The following CAPRIN2 variants were observed in gnomAD, a reference collection of about 807,000 sequenced individuals.
CAPRIN2 encodes the protein caprin-2.
A neutral mutation model predicts 130.4 loss-of-function variants in CAPRIN2; 66 were observed. The ratio of observed to expected loss-of-function variants is 0.51; its 90% CI spans 0.42 to 0.62. The LOEUF (loss-of-function observed/expected upper bound fraction) is 0.62, where lower values mean the gene tolerates loss of function less well. CAPRIN2 is among the 20% of genes least tolerant of loss of function. The probability of loss-of-function intolerance (pLI) is 0.00; values close to 1 mark genes in which losing one functional copy is unlikely to be tolerated. For missense variants in CAPRIN2, 1,185 were observed against 1,246.6 expected (o/e 0.95, Z 0.74); for synonymous variants, 471 against 444.1 (o/e 1.06, Z -0.76).
At chr12:30,731,955 C>G (rs1242488805) in intron 5 of CAPRIN2, among the ~76,000 whole-genome samples, 3 of 151,920 alleles carry the variant, frequency 2.0e-5, no homozygotes, top group African/African-American at 7.2e-5. Flanking sequence ...TCTACCTTCC[C>G]CAAGTAATTA....
At chr12:30,728,828 A>G in exon 8 of CAPRIN2, 1 of 1,614,090 alleles carries the variant, frequency 6.2e-7, no homozygotes. Context: ...CCTGTTCTTC[A>G]CACATGGGAG....
chr12:30,716,445 C>T, intron 13 of CAPRIN2, 63 bp downstream of exon 15: 1 of 1,447,868 alleles, frequency 6.9e-7, no homozygotes, highest in Non-Finnish European at 9.7e-7. Context: ...ACTTCCTAGA[C>T]TTGCTGTCCA....
intron 14 of CAPRIN2, 151 bp downstream of exon 16, chr12:30,714,808 G>A (rs1360706025): frequency 3.6e-6 from 2 of 548,856 alleles, no homozygotes; most frequent in African/African-American, 1.9e-5. Flanking sequence ...TGGAGAATAG[G>A]TATATTAAAA....
rs184670054 is a variant in CAPRIN2, at chr12:30,745,896, C to G, written c.484-4790G>C. ...TAAAATTTTATTAAAAACTACTTGG[C>G]CCTAATCTATGCAAATAAATTTTAA... On this transcript the variant is annotated intron_variant, in intron 2 of 16. Transcript: ENST00000298892. Among the ~76,000 whole-genome samples the G allele has an allele frequency of 3.9e-5, 6 of 152,122 alleles. No individual in the cohort carries two copies. In the East Asian group the frequency reaches 9.6e-4, roughly 24 times the overall value.
At chr12:30,716,539 A>G (rs2057627970) in exon 13 of CAPRIN2, 2 of 1,613,834 alleles carry the variant, frequency 1.2e-6, no homozygotes, top group South Asian at 1.1e-5. Flanking sequence ...TTTGTTCTAC[A>G]TGTATAGATG....
At position 30,713,970 on chromosome 12, in the gene CAPRIN2, T is replaced by C. The variant is rs16906727; in HGVS notation, c.2501-85A>G. ...GTCTAATTCTATATTGCTTTAAAAG[T>C]TAAATTGATTATATAATGCCATCAT... On this transcript the variant is annotated intron_variant, in intron 14 of 16. Transcript: ENST00000298892. The C allele has an allele frequency of 9.3e-3, 6,527 of 703,458 alleles. 278 individuals carry two copies. In the African/African-American group the frequency reaches 0.096, roughly 10 times the overall value. The allele number at this position is 703,458 out of a possible 1,614,324, so 43.6% of individuals were successfully genotyped here. A position where few individuals can be genotyped will look rare whatever the true frequency, so the allele number is the denominator to read the frequency against.
chr12:30,721,790 TATG>T (rs769957099), intron 11 of CAPRIN2, among the ~76,000 whole-genome samples: 1 of 152,346 alleles, frequency 6.6e-6, no homozygotes, highest in Middle Eastern at 3.4e-3. Context: ...AAGGAGGCAT[TATG>T]ATATGTTGCT....
chr12:30,746,686 C>T (rs1242772075), intron 2 of CAPRIN2, among the ~76,000 whole-genome samples: 1 of 152,052 alleles, frequency 6.6e-6, no homozygotes, highest in Non-Finnish European at 1.5e-5. Flanking sequence ...AGAACAAGAC[C>T]CTAACTCTCT....
At chr12:30,717,440 T>C (rs983583088) in intron 12 of CAPRIN2, among the ~76,000 whole-genome samples, 2 of 152,158 alleles carry the variant, frequency 1.3e-5, no homozygotes, top group African/African-American at 4.8e-5. Context: ...AACAGGAAGT[T>C]ATTGTTTAAT....
chr12:30,751,002 C>T, intron 2 of CAPRIN2, 69 bp downstream of exon 3: 1 of 1,150,190 alleles, frequency 8.7e-7, no homozygotes, highest in Non-Finnish European at 1.3e-6. Context: ...ACTGATCGCA[C>T]TAAATCCATG....
intron 12 of CAPRIN2, among the ~76,000 whole-genome samples, chr12:30,717,084 G>C (rs1005230423): frequency 6.6e-6 from 1 of 152,034 alleles, no homozygotes; most frequent in South Asian, 2.1e-4. Flanking sequence ...TCCATTTCTA[G>C]GTATATACCC....
chr12:30,712,844 C>G (rs918610582), intron 15 of CAPRIN2, among the ~76,000 whole-genome samples: 1 of 146,990 alleles, frequency 6.8e-6, no homozygotes, highest in Non-Finnish European at 1.5e-5. Flanking sequence ...CAGGTTCAAG[C>G]GATTCTCCTG....
chr12:30,753,695 C>T, exon 1 of CAPRIN2: 1 of 1,614,068 alleles, frequency 6.2e-7, no homozygotes, highest in Non-Finnish European at 8.5e-7. Flanking sequence ...GTCTAGACCA[C>T]TCCCTTAAAC....
chr12:30,723,186 T>C, intron 11 of CAPRIN2, 73 bp downstream of exon 12: 1 of 1,009,840 alleles, frequency 9.9e-7, no homozygotes, highest in Non-Finnish European at 1.6e-6. Context: ...AATCAGTAAG[T>C]CTGATTATTC....
At position 30,710,079 on chromosome 12, in the gene CAPRIN2, C is replaced by A; in HGVS notation, c.3057G>T (p.Glu1019Asp). Residue 1019 changes from glutamate to aspartate, a missense_variant, in exon 17 of 17, where the codon GAG becomes GAT. Glu to Asp is a conservative substitution (Grantham distance 45). Transcript: ENST00000298892. The surrounding 1 kb of genome is among the most constrained non-coding windows in gnomAD (Gnocchi z 4.8). ...CATTGGCATAGGCTGATACCAAGAC[C>A]TCTTCATTCTTCATGAGGTTGACAT... The A allele has an allele frequency of 6.2e-7, 1 of 1,614,106 alleles. No individual in the cohort carries two copies. Among genetic ancestry groups the A allele is most frequent in the Non-Finnish European group, 8.5e-7 (1 of 1,180,024 alleles).
At position 30,753,332 on chromosome 12, in the gene CAPRIN2, A is replaced by G. The variant is rs778838712; in HGVS notation, c.420+12T>C. On this transcript the variant is annotated intron_variant, in intron 1 of 16. Transcript: ENST00000298892. ...GATCATGCATCTACAGGACTGGAAG[A>G]AAAAAAGTTACCTTCTTTTTCTCGA... The G allele has an allele frequency of 5.0e-6, 8 of 1,596,112 alleles. No individual in the cohort carries two copies. Among genetic ancestry groups the G allele is most frequent in the African/African-American group, 2.7e-5 (2 of 74,154 alleles).
rs1236366543 is a variant in CAPRIN2, at chr12:30,710,565, C to A, written c.2666-95G>T. ...TCGGCTACTGAAACAGACAAAGATA[C>A]ATTTTATAGTAAATTCCAAAACAAA... On this transcript the variant is annotated intron_variant, in intron 16 of 16. Coordinates refer to ENST00000298892, the Ensembl canonical transcript of CAPRIN2. This position sits in a 1 kb window ranked among gnomAD's most constrained non-coding sequence, Gnocchi z 4.8. 18 of 1,551,556 alleles carry A rather than the reference C, an allele frequency of 1.2e-5. No homozygotes were observed. The East Asian group carries it at 4.1e-4, about 35-fold the overall frequency.
chr12:30,729,145 G>A (rs1338004640), exon 8 of CAPRIN2: 1 of 1,613,948 alleles, frequency 6.2e-7, no homozygotes, highest in Admixed American at 1.7e-5. Flanking sequence ...ACCTCCTGGT[G>A]CTTACCAGAA....
At chr12:30,711,019 A>G (rs1295672064) in intron 16 of CAPRIN2, among the ~76,000 whole-genome samples, 1 of 152,336 alleles carries the variant, frequency 6.6e-6, no homozygotes, top group East Asian at 1.9e-4. Flanking sequence ...ACACTAAGGC[A>G]AAGGCAAATT....
Sources: allele counts gnomAD v4.1 joint callset (sites outside exome capture counted in the v4.1 genomes callset), GRCh38; gene constraint gnomAD v4.1.1; non-coding constraint Gnocchi (gnomAD v3.1); transcripts MANE v1.5; gene names NCBI Gene and HGNC (gene_info 2026-07-23, HGNC 2026-07-21).